Variants in IRX3 observed in about 807,000 individuals in gnomAD.
IRX3 encodes iroquois homeobox 3.
Under a neutral mutation model 36.4 loss-of-function variants are expected in IRX3, and 20 were observed. That is an observed-to-expected ratio of 0.55 (90% CI 0.39 to 0.80). The LOEUF (loss-of-function observed/expected upper bound fraction) is 0.80, where lower values mean the gene tolerates loss of function less well. Ranked by LOEUF, IRX3 falls within the 30% of genes least tolerant of loss-of-function variation. The pLI is 0.00. For missense variants in IRX3, 718 were observed against 733.2 expected (o/e 0.98, Z 0.24); for synonymous variants, 404 against 351.6 (o/e 1.15, Z -1.67).
rs1901238700 is a variant in IRX3 at position 54,283,911 on chromosome 16, G to A, written c.1452-171C>T. The stretch of plus-strand genomic sequence containing the variant: ...TGGGGTTTAACTGTAGGGTGGGCAC[G>A]AGGCGTCAGGACCCGAGGTCTGGGG... On this transcript the variant is annotated intron_variant, in intron 3 of 3. Transcript: ENST00000329734. This position sits in a 1 kb window ranked among gnomAD's most constrained non-coding sequence, Gnocchi z 4.4. The A allele has an allele frequency of 1.0e-5, 10 of 985,402 alleles. No individual in the cohort carries two copies. Among genetic ancestry groups the A allele is most frequent in the Non-Finnish European group, 1.2e-5 (10 of 829,916 alleles). 61.0% of individuals were successfully genotyped at this position (985,402 alleles called of 1,614,324 possible).
Position 54,286,221 on chromosome 16 carries a change from CGGCGGCGGCGAG to C in IRX3, c.-183_-172del, listed in dbSNP as rs1388075292. ...CTATTGATCTGCTCCGCGGCGGCGA[CGGCGGCGGCGAG>C]GGCGGCGGCGAGGAGCCAGGTCAGG... On this transcript the variant is annotated 5_prime_UTR_variant, in exon 1 of 4. Transcript: ENST00000329734. The C allele has an allele frequency of 1.2e-3, 646 of 526,628 alleles. 5 individuals are homozygous for C. In the East Asian group the frequency reaches 0.019, roughly 15 times the overall value. The allele number at this position is 526,628 out of a possible 1,614,324, so 32.6% of individuals were successfully genotyped here.
Position 54,285,072 on chromosome 16 carries a change from A to C in IRX3, c.809T>G (p.Leu270Arg). The change falls in exon 2 of 4, where the codon CTG (leucine) becomes CGG (arginine). Residue 270 changes from leucine (L) to arginine (R), a missense_variant. Physicochemically the swap from Leu to Arg is moderately radical, Grantham distance 102. This residue lies in a region of IRX3 where 468 missense variants were observed against 462.1 expected (regional missense o/e 1.01). Coordinates refer to ENST00000329734, the MANE Select transcript of IRX3 (RefSeq NM_024336.3). The surrounding 1 kb of genome is among the most constrained non-coding windows in gnomAD (Gnocchi z 5.7). ...DGAATEPELSLAGAARRDGDL... is the reference protein window; with the variant it reads ...DGAATEPELSRAGAARRDGDL... ...GCCATCCCTGCGCGCCGCCCCAGCCAGGGACAGCTCAGGCTCGGTGGCCGC... is the reference window on the plus strand; with the variant it reads ...GCCATCCCTGCGCGCCGCCCCAGCCCGGGACAGCTCAGGCTCGGTGGCCGC... The C allele has an allele frequency of 6.2e-7, 1 of 1,611,338 alleles. No individual in the cohort carries two copies. Among genetic ancestry groups the C allele is most frequent in the Non-Finnish European group, 8.5e-7 (1 of 1,178,822 alleles).
In IRX3 at chr16:54,284,715, G is replaced by A; in HGVS notation, c.1166C>T (p.Ala389Val). 1 of 1,429,796 alleles carries A rather than the reference G, an allele frequency of 7.0e-7. No individual in the cohort carries two copies. The highest frequency in any genetic ancestry group is 9.1e-7 in the Non-Finnish European group (1 of 1,104,764). The allele number at this position is 1,429,796 out of a possible 1,614,324, so 88.6% of individuals were successfully genotyped here. ...APSALQLSPA[A>V]AAAAAHRLVS... Reference sequence around the variant, plus strand: ...CAGTCTGTGAGCGGCGGCGGCGGCGGCGGCCGGAGAGAGCTGCAGGGCGGA... The same window carrying A: ...CAGTCTGTGAGCGGCGGCGGCGGCGACGGCCGGAGAGAGCTGCAGGGCGGA... Residue 389 changes from alanine (A) to valine (V), a missense_variant, in exon 2 of 4, where the codon GCC (alanine) becomes GTC (valine). Physicochemically the swap from Ala to Val is moderately conservative, Grantham distance 64 (BLOSUM62 0). Coordinates refer to ENST00000329734, the MANE Select transcript of IRX3 (RefSeq NM_024336.3). The surrounding 1 kb of genome is among the most constrained non-coding windows in gnomAD (Gnocchi z 4.0).
In IRX3 at chr16:54,285,890, G is replaced by A. The variant is rs758083649; in HGVS notation, c.161C>T (p.Ser54Leu). The change falls in exon 1 of 4, where the codon TCG becomes TTG. Residue 54 changes from serine (S) to leucine (L), a missense_variant. Transcript: ENST00000329734. The surrounding 1 kb of genome is among the most constrained non-coding windows in gnomAD (Gnocchi z 5.7). ...NASGSLSNVL[S>L]SVYGAPYAAA... Reference sequence around the variant, plus strand: ...GGCGTAGGGCGCCCCGTACACGGACGAGAGCACGTTGGACAGGGACCCCGA... The same window carrying A: ...GGCGTAGGGCGCCCCGTACACGGACAAGAGCACGTTGGACAGGGACCCCGA... 29 of 1,537,066 alleles carry A rather than the reference G, an allele frequency of 1.9e-5. No individual in the cohort carries two copies. The highest frequency in any genetic ancestry group is 6.0e-5 in the Admixed American group (3 of 50,282).
rs1567615971 is a variant in IRX3, at chr16:54,284,106, T to C, written c.1451+140A>G. 2 of 1,136,486 alleles carry C rather than the reference T, an allele frequency of 1.8e-6. No individual in the cohort carries two copies. The highest frequency in any genetic ancestry group is 2.6e-5 in the East Asian group (1 of 38,174). 70.4% of individuals were successfully genotyped at this position (1,136,486 alleles called of 1,614,324 possible). On this transcript the variant is annotated intron_variant, in intron 3 of 3. Transcript: ENST00000329734. The surrounding 1 kb of genome is among the most constrained non-coding windows in gnomAD (Gnocchi z 4.0). ...GGGCCGACAGGGGCGACTGAAAAAG[T>C]GACTTTCGTCCCCTTTTACAAAATG...
At position 54,284,494 on chromosome 16, in the gene IRX3, C is replaced by A; in HGVS notation, c.1384+3G>T. On this transcript the variant is annotated splice_donor_region_variant and intron_variant, in intron 2 of 3. Transcript: ENST00000329734. This position sits in a 1 kb window ranked among gnomAD's most constrained non-coding sequence, Gnocchi z 4.0. ...CGCTCCGCGCCCAGCGCTCAGCAGTCACCTGTTCCGCCTTCGGGCTCCGCT... is the reference window on the plus strand; with the variant it reads ...CGCTCCGCGCCCAGCGCTCAGCAGTAACCTGTTCCGCCTTCGGGCTCCGCT... 7.1e-7 allele frequency: 1 copy of A among 1,401,982 alleles called. No individual in the cohort carries two copies. Among genetic ancestry groups the A allele is most frequent in the South Asian group, 1.6e-5 (1 of 61,790 alleles). 86.8% of individuals were successfully genotyped at this position (1,401,982 alleles called of 1,614,324 possible).
In IRX3 at chr16:54,284,231, C is replaced by T. The variant is rs756278150; in HGVS notation, c.1451+15G>A. Reference sequence around the variant, plus strand: ...CAGCCAGTCCCCCTGGCCCCTCAACCTCGGGGTTTCTTACCGCCTGGGCAC... The same window carrying T: ...CAGCCAGTCCCCCTGGCCCCTCAACTTCGGGGTTTCTTACCGCCTGGGCAC... On this transcript the variant is annotated intron_variant, in intron 3 of 3. Coordinates refer to ENST00000329734, the MANE Select transcript of IRX3 (RefSeq NM_024336.3). The surrounding 1 kb of genome is among the most constrained non-coding windows in gnomAD (Gnocchi z 4.0). 6.2e-7 allele frequency: 1 copy of T among 1,609,240 alleles called. No homozygotes were observed. Among genetic ancestry groups the T allele is most frequent in the East Asian group, 2.2e-5 (1 of 44,524 alleles).
At position 54,284,777 on chromosome 16, in the gene IRX3, G is replaced by C; in HGVS notation, c.1104C>G (p.Gly368=). The change falls in exon 2 of 4, where the codon GGC becomes GGG. Residue 368 remains glycine (G), a synonymous_variant. Transcript: ENST00000329734. The surrounding 1 kb of genome is among the most constrained non-coding windows in gnomAD (Gnocchi z 4.0). ...CTGCCCCCGGTGGAGACCCCCCCGC[G>C]CCGGGAGGCGAGCGGCGCGGGTTGT... The part of the protein sequence containing the change: ...SPDNPRRSPP[G]AGGSPPGAAV... 6.8e-7 allele frequency: 1 copy of C among 1,461,758 alleles called. No homozygotes were observed. The highest frequency in any genetic ancestry group is 1.4e-5 in the South Asian group (1 of 71,260). The allele number at this position is 1,461,758 out of a possible 1,614,324, so 90.5% of individuals were successfully genotyped here. A position where few individuals can be genotyped will look rare whatever the true frequency, so the allele number is the denominator to read the frequency against.
Position 54,285,093 on chromosome 16 carries a change from G to A in IRX3, c.788C>T (p.Ala263Val), listed in dbSNP as rs1432780368. The change falls in exon 2 of 4, where the codon GCC becomes GTC. Residue 263 changes from alanine to valine, a missense_variant. This residue lies in a region of IRX3 where 468 missense variants were observed against 462.1 expected (regional missense o/e 1.01). Transcript: ENST00000329734. This position sits in a 1 kb window ranked among gnomAD's most constrained non-coding sequence, Gnocchi z 5.7. Reference sequence around the variant, plus strand: ...AGCCAGGGACAGCTCAGGCTCGGTGGCCGCGCCGTCTAAGTTCTCCAAATC... The same window carrying A: ...AGCCAGGGACAGCTCAGGCTCGGTGACCGCGCCGTCTAAGTTCTCCAAATC... ...EIDLENLDGA[A>V]TEPELSLAGA... The A allele has an allele frequency of 3.1e-6, 5 of 1,613,788 alleles. No homozygotes were observed. Among genetic ancestry groups the A allele is most frequent in the Non-Finnish European group, 4.2e-6 (5 of 1,179,980 alleles).
chr16:54,285,013 T>G lies in IRX3; in HGVS notation c.868A>C (p.Asn290His). 1 of 1,613,748 alleles carries G rather than the reference T, an allele frequency of 6.2e-7. No individual in the cohort carries two copies. Among genetic ancestry groups the G allele is most frequent in the South Asian group, 1.1e-5 (1 of 91,064 alleles). Residue 290 changes from asparagine (N) to histidine (H), a missense_variant, in exon 2 of 4, where the codon AAT (asparagine) becomes CAT (histidine). Coordinates refer to ENST00000329734, the MANE Select transcript of IRX3 (RefSeq NM_024336.3). The surrounding 1 kb of genome is among the most constrained non-coding windows in gnomAD (Gnocchi z 5.7). ...TCAGAGCTATCTTCCGAGTCGCTAT[T>G]TTTGGAGTCCGAAATGGGTCCCAGG... ...LGLGPISDSKNSDSEDSSEGL... is the reference protein window; with the variant it reads ...LGLGPISDSKHSDSEDSSEGL...
chr16:54,284,356 C>T lies in IRX3; in HGVS notation c.1385-44G>A. On this transcript the variant is annotated intron_variant, in intron 2 of 3. Coordinates refer to ENST00000329734, the MANE Select transcript of IRX3 (RefSeq NM_024336.3). The surrounding 1 kb of genome is among the most constrained non-coding windows in gnomAD (Gnocchi z 4.0). ...GAAAAAGGAGGGCCTTTAGAGCGCT[C>T]GGTGCCGGCGCCCAGGGCCGCAGAA... 1 of 1,573,948 alleles carries T rather than the reference C, an allele frequency of 6.4e-7. No homozygotes were observed. The highest frequency in any genetic ancestry group is 8.6e-7 in the Non-Finnish European group (1 of 1,163,804).
In IRX3 at chr16:54,283,573, G is replaced by C; in HGVS notation, c.*113C>G. 1.6e-6 allele frequency: 1 copy of C among 606,144 alleles called. No individual in the cohort carries two copies. Among genetic ancestry groups the C allele is most frequent in the Non-Finnish European group, 3.0e-6 (1 of 333,082 alleles). 37.5% of individuals were successfully genotyped at this position (606,144 alleles called of 1,614,324 possible). On this transcript the variant is annotated 3_prime_UTR_variant, in exon 4 of 4. Transcript: ENST00000329734. This position sits in a 1 kb window ranked among gnomAD's most constrained non-coding sequence, Gnocchi z 4.4. ...TTTCTTTGTTTAGTTTTGCTTTTAG[G>C]TATTTATACACGGACATGCTTACAA...
chr16:54,285,009 C>T lies in IRX3; in HGVS notation c.872G>A (p.Ser291Asn). ...GLGPISDSKN[S>N]DSEDSSEGLE... Reference sequence around the variant, plus strand: ...GCCCTCAGAGCTATCTTCCGAGTCGCTATTTTTGGAGTCCGAAATGGGTCC... The same window carrying T: ...GCCCTCAGAGCTATCTTCCGAGTCGTTATTTTTGGAGTCCGAAATGGGTCC... Residue 291 changes from serine (S) to asparagine (N), a missense_variant, in exon 2 of 4, where the codon AGC becomes AAC. By Grantham distance (46) the Ser-to-Asn change is conservative (BLOSUM62 1). Coordinates refer to ENST00000329734, the MANE Select transcript of IRX3 (RefSeq NM_024336.3). The surrounding 1 kb of genome is among the most constrained non-coding windows in gnomAD (Gnocchi z 5.7). The T allele has an allele frequency of 6.2e-7, 1 of 1,613,814 alleles. No homozygotes were observed. The highest frequency in any genetic ancestry group is 8.5e-7 in the Non-Finnish European group (1 of 1,179,980).
Position 54,283,964 on chromosome 16 carries a change from G to A in IRX3, c.1452-224C>T, listed in dbSNP as rs1901242355. 1.0e-6 allele frequency: 1 copy of A among 985,134 alleles called. No individual in the cohort carries two copies. Among genetic ancestry groups the A allele is most frequent in the South Asian group, 4.7e-5 (1 of 21,280 alleles). 61.0% of individuals were successfully genotyped at this position (985,134 alleles called of 1,614,324 possible). On this transcript the variant is annotated intron_variant, in intron 3 of 3. Coordinates refer to ENST00000329734, the MANE Select transcript of IRX3 (RefSeq NM_024336.3). This position sits in a 1 kb window ranked among gnomAD's most constrained non-coding sequence, Gnocchi z 4.4. ...GGAAAGAGGTGGGCGTCAGAGAACC[G>A]CCACCCGCCCCAGGGGCCTGTGGGC...
Position 54,284,393 on chromosome 16 carries a change from A to G in IRX3, c.1385-81T>C. 5 of 1,490,166 alleles carry G rather than the reference A, an allele frequency of 3.4e-6. No individual in the cohort carries two copies. The highest frequency in any genetic ancestry group is 4.4e-6 in the Non-Finnish European group (5 of 1,125,692). The allele number at this position is 1,490,166 out of a possible 1,614,324, so 92.3% of individuals were successfully genotyped here. A position where few individuals can be genotyped will look rare whatever the true frequency, so the allele number is the denominator to read the frequency against. On this transcript the variant is annotated intron_variant, in intron 2 of 3. Coordinates refer to ENST00000329734, the MANE Select transcript of IRX3 (RefSeq NM_024336.3). The surrounding 1 kb of genome is among the most constrained non-coding windows in gnomAD (Gnocchi z 4.0). ...CCAGGGCCGCAGAAAGCAGGAGTGG[A>G]GAGGGACGCGCGCCCTGCGCCCCCC...
rs557397597 is a variant in IRX3 at position 54,283,721 on chromosome 16, C to T, written c.1471G>A (p.Ala491Thr). The T allele has an allele frequency of 6.0e-5, 91 of 1,508,248 alleles. No individual in the cohort carries two copies. The African/African-American group carries it at 8.2e-4, about 14-fold the overall frequency. 93.4% of individuals were successfully genotyped at this position (1,508,248 alleles called of 1,614,324 possible). The change falls in exon 4 of 4, where the codon GCC becomes ACC. Residue 491 changes from alanine (A) to threonine (T), a missense_variant. Transcript: ENST00000329734. The surrounding 1 kb of genome is among the most constrained non-coding windows in gnomAD (Gnocchi z 4.4). ...VPRRPQNHLD[A>T]ALVLSALSSS ...GAGAGAGCCGATAAGACCAGGGCGG[C>T]GTCCAGATGGTTCTGGGGCCTGGAA...
In IRX3 at chr16:54,285,687, C is replaced by G. The variant is rs1002416632; in HGVS notation, c.268-74G>C. On this transcript the variant is annotated intron_variant, in intron 1 of 3. Transcript: ENST00000329734. This position sits in a 1 kb window ranked among gnomAD's most constrained non-coding sequence, Gnocchi z 5.7. ...GAGCCCCAGCCATCGCTGCCTCCCC[C>G]CTCCTGGCCTGCACCCCTCTAGTCC... The G allele has an allele frequency of 3.1e-5, 45 of 1,460,024 alleles. No individual in the cohort carries two copies. Among genetic ancestry groups the G allele is most frequent in the Admixed American group, 1.6e-4 (6 of 38,512 alleles). The allele number at this position is 1,460,024 out of a possible 1,614,324, so 90.4% of individuals were successfully genotyped here.
rs1223467117 is a variant in IRX3 at position 54,285,008 on chromosome 16, G to T, written c.873C>A (p.Ser291Arg). The T allele has an allele frequency of 1.2e-6, 2 of 1,613,594 alleles. No homozygotes were observed. The highest frequency in any genetic ancestry group is 2.2e-5 in the East Asian group (1 of 44,838). The change falls in exon 2 of 4, where the codon AGC becomes AGA. Residue 291 changes from serine to arginine, a missense_variant. Ser to Arg is a moderately radical substitution (Grantham distance 110, BLOSUM62 -1). Coordinates refer to ENST00000329734, the MANE Select transcript of IRX3 (RefSeq NM_024336.3). The surrounding 1 kb of genome is among the most constrained non-coding windows in gnomAD (Gnocchi z 5.7). ...GLGPISDSKN[S>R]DSEDSSEGLE... is the part of the protein sequence containing the mutation. ...AGCCCTCAGAGCTATCTTCCGAGTC[G>T]CTATTTTTGGAGTCCGAAATGGGTC...
Position 54,283,747 on chromosome 16 carries a change from G to C in IRX3, c.1452-7C>G, listed in dbSNP as rs1901234393. On this transcript the variant is annotated splice_polypyrimidine_tract_variant and splice_region_variant and intron_variant, in intron 3 of 3. Coordinates refer to ENST00000329734, the MANE Select transcript of IRX3 (RefSeq NM_024336.3). This position sits in a 1 kb window ranked among gnomAD's most constrained non-coding sequence, Gnocchi z 4.4. ...GTCCAGATGGTTCTGGGGCCTGGAA[G>C]AGAGAGACAGTAGTAGCAAAAGAGG... 2 of 1,607,158 alleles carry C rather than the reference G, an allele frequency of 1.2e-6. No homozygotes were observed. Among genetic ancestry groups the C allele is most frequent in the Non-Finnish European group, 8.5e-7 (1 of 1,173,946 alleles).
Sources: allele counts gnomAD v4.1 joint callset, GRCh38; gene constraint gnomAD v4.1.1; regional missense constraint gnomAD v4.1.1; non-coding constraint Gnocchi (gnomAD v3.1); transcripts MANE v1.5; gene names NCBI Gene and HGNC (gene_info 2026-07-23, HGNC 2026-07-21).